DMD: variants seen among roughly 807,000 people sequenced by gnomAD.
DMD encodes the protein dystrophin.
In DMD, 63 loss-of-function variants were observed where a neutral mutation model predicts 330.1. That is an observed-to-expected ratio of 0.19 (90% CI 0.16 to 0.24). The LOEUF is 0.24. Among genes scored for constraint, DMD ranks in the 10% least tolerant of loss-of-function variants. The pLI is 1.00. For missense variants in DMD, 3,344 were observed against 2,684.1 expected, an observed-to-expected ratio of 1.25 and a Z score of -5.43; for synonymous variants, 1,223 against 959.8, an observed-to-expected ratio of 1.27 and a Z score of -5.07.
intron 7 of DMD, among the ~76,000 whole-genome samples, chrX:32,777,398 G>T (rs924308139): frequency 4.7e-5 from 5 of 107,334 alleles, no homozygotes; most frequent in Non-Finnish European, 9.6e-5. Flanking sequence ...CATATTTTAA[G>T]CAAGTATGGA....
At chrX:32,055,023 C>T (rs2096157587) in intron 44 of DMD, among the ~76,000 whole-genome samples, 1 of 111,578 alleles carries the variant, frequency 9.0e-6, no homozygotes, top group Non-Finnish European at 1.9e-5. Context: ...TGGAAGAAAA[C>T]TATGCATGGT....
At chrX:31,564,244 T>A (rs2075351860) in intron 55 of DMD, among the ~76,000 whole-genome samples, 1 of 111,973 alleles carries the variant, frequency 8.9e-6, no homozygotes, top group South Asian at 3.7e-4. Flanking sequence ...ATCCAGTTTG[T>A]GGTATTTCAC....
chrX:33,108,705 G>A (rs766624129), intron 1 of DMD, among the ~76,000 whole-genome samples: 1 of 105,162 alleles, frequency 9.5e-6, no homozygotes, highest in East Asian at 3.1e-4. Flanking sequence ...GTGAAACCTC[G>A]TCTCTACTAC....
intron 57 of DMD, among the ~76,000 whole-genome samples, chrX:31,484,632 G>A (rs1450229651): frequency 9.0e-6 from 1 of 111,402 alleles, no homozygotes; most frequent in Non-Finnish European, 1.9e-5. Flanking sequence ...AGCTTCTTAA[G>A]GTTCACAAAA....
At chrX:31,255,765 G>A (rs1391393507) in intron 63 of DMD, among the ~76,000 whole-genome samples, 3 of 85,872 alleles carry the variant, frequency 3.5e-5, no homozygotes, top group East Asian at 3.7e-4. Context: ...GTCCAATATC[G>A]TTACTTTTTT....
chrX:32,875,721 A>T (rs1255308952), intron 2 of DMD, among the ~76,000 whole-genome samples: 1 of 112,041 alleles, frequency 8.9e-6, no homozygotes, highest in Non-Finnish European at 1.9e-5. Flanking sequence ...ATTTCAATTC[A>T]ATCACTGCCT....
At chrX:31,998,496 T>A (rs2095604435) in intron 44 of DMD, among the ~76,000 whole-genome samples, 2 of 111,953 alleles carry the variant, frequency 1.8e-5, no homozygotes, top group Non-Finnish European at 3.8e-5. Flanking sequence ...TATGCATGCC[T>A]GTTAATACGT....
At chrX:32,436,192 T>C (rs1321811934) in intron 29 of DMD, among the ~76,000 whole-genome samples, 1 of 112,047 alleles carries the variant, frequency 8.9e-6, no homozygotes, top group Admixed American at 9.5e-5. Flanking sequence ...TATCTTTCCA[T>C]ATTAGTTCCT....
In DMD at chrX:32,601,048, A is replaced by AT. The variant is rs772494147; in HGVS notation, c.1483-5173dup. Reference sequence around the variant, plus strand: ...GAAATGATGGGGTGGTAGGTAATTTATTTTTTTCACTCTTTTCCTCTATGC... The same window carrying AT: ...GAAATGATGGGGTGGTAGGTAATTTATTTTTTTTCACTCTTTTCCTCTATGC... On this transcript the variant is annotated intron_variant, in intron 12 of 78. Transcript: ENST00000357033. Among the ~76,000 whole-genome samples, 30 of 110,827 alleles carry AT rather than the reference A, an allele frequency of 2.7e-4. No individual in the cohort carries two copies. In the East Asian group the frequency reaches 6.0e-3, roughly 22 times the overall value.
intron 2 of DMD, among the ~76,000 whole-genome samples, chrX:32,962,546 C>T (rs747475000): frequency 1.8e-4 from 20 of 111,606 alleles, no homozygotes; most frequent in African/African-American, 6.2e-4. Context: ...TGTCTTAACA[C>T]TAGGGGAAGC....
chrX:32,446,091 TAAGA>T (rs1235413086), intron 27 of DMD, among the ~76,000 whole-genome samples: 1 of 110,717 alleles, frequency 9.0e-6, no homozygotes, highest in Non-Finnish European at 1.9e-5. Context: ...TTAATAGCTC[TAAGA>T]AAGTTTTCCC....
chrX:32,009,867 G>A (rs2095692185), intron 44 of DMD, among the ~76,000 whole-genome samples: 1 of 111,944 alleles, frequency 8.9e-6, no homozygotes, highest in Non-Finnish European at 1.9e-5. Context: ...TAAAAATAGG[G>A]AAACCATGAT....
intron 1 of DMD, among the ~76,000 whole-genome samples, chrX:33,052,098 A>G (rs1355084469): frequency 8.9e-6 from 1 of 111,923 alleles, no homozygotes; most frequent in African/African-American, 3.2e-5. Context: ...TAGAGGAAAT[A>G]AATCTTAATA....
chrX:32,658,554 T>C (rs769427413), intron 9 of DMD, among the ~76,000 whole-genome samples: 4 of 111,399 alleles, frequency 3.6e-5, no homozygotes, highest in Non-Finnish European at 5.7e-5. Context: ...CCTCAGGCCA[T>C]AGATTGCTAT....
intron 1 of DMD, among the ~76,000 whole-genome samples, chrX:33,315,143 G>C (rs1254475254): frequency 8.9e-6 from 1 of 112,050 alleles, no homozygotes. Context: ...TTGTGTGTTT[G>C]TGCTTATTTT....
intron 7 of DMD, among the ~76,000 whole-genome samples, chrX:32,718,448 C>A (rs774271245): frequency 9.0e-6 from 1 of 111,685 alleles, no homozygotes; most frequent in African/African-American, 3.3e-5. Context: ...GCTTCCCATA[C>A]AGCCTGTGGA....
chrX:33,254,711 G>A (rs1042251095), intron 1 of DMD, among the ~76,000 whole-genome samples: 9 of 110,631 alleles, frequency 8.1e-5, no homozygotes, highest in African/African-American at 2.9e-4. Context: ...AATAATAAGA[G>A]TTATTAAAAC....
intron 44 of DMD, among the ~76,000 whole-genome samples, chrX:32,193,454 T>C (rs955173429): frequency 1.8e-5 from 2 of 111,942 alleles, no homozygotes; most frequent in African/African-American, 6.5e-5. Context: ...TATTGTGCAT[T>C]AATTTAAAAA....
intron 18 of DMD, among the ~76,000 whole-genome samples, chrX:32,509,151 T>C (rs1000100782): frequency 2.9e-5 from 3 of 104,470 alleles, no homozygotes; most frequent in African/African-American, 1.1e-4. Context: ...GAGTACCTTG[T>C]TCGTGGAAAT....
Sources: allele counts gnomAD v4.1 joint callset (sites outside exome capture counted in the v4.1 genomes callset), GRCh38; gene constraint gnomAD v4.1.1; transcripts MANE v1.5; gene names NCBI Gene and HGNC (gene_info 2026-07-23, HGNC 2026-07-21).